SECISBP2L: variants seen among roughly 807,000 people sequenced by gnomAD.
SECISBP2L encodes the protein selenocysteine insertion sequence-binding protein 2-like.
In SECISBP2L, 43 loss-of-function variants were observed where a neutral mutation model predicts 114.7. The ratio of observed to expected loss-of-function variants is 0.38; its 90% CI spans 0.29 to 0.48. The LOEUF (loss-of-function observed/expected upper bound fraction) is 0.48, where lower values mean the gene tolerates loss of function less well. SECISBP2L is among the 20% of genes least tolerant of loss of function. The pLI is 0.98. For synonymous variants in SECISBP2L, 451 were observed against 439.7 expected (o/e 1.03, Z -0.32); for missense variants, 1,136 against 1,301.1 (o/e 0.87, Z 1.95).
In SECISBP2L at chr15:49,001,112, C is replaced by A. The variant is rs1332707639; in HGVS notation, c.2028-15G>T. Reference sequence around the variant, plus strand: ...GATTACAATACCTGTAAAAAAAAACCAAAATGGGTAACTCCATCCTAATTT... The same window carrying A: ...GATTACAATACCTGTAAAAAAAAACAAAAATGGGTAACTCCATCCTAATTT... On this transcript the variant is annotated splice_polypyrimidine_tract_variant and intron_variant, in intron 14 of 17. Transcript: ENST00000559471. 11 of 1,550,892 alleles carry A rather than the reference C, an allele frequency of 7.1e-6. No homozygotes were observed. The South Asian group carries it at 1.3e-4, about 18-fold the overall frequency.
At chr15:49,021,620 G>C (rs1902641030) in intron 7 of SECISBP2L, among the ~76,000 whole-genome samples, 1 of 152,184 alleles carries the variant, frequency 6.6e-6, no homozygotes, top group Admixed American at 6.5e-5. Context: ...CAAAGACCTG[G>C]AACCACCTGA....
intron 3 of SECISBP2L, among the ~76,000 whole-genome samples, chr15:49,034,146 C>CA (rs1902955165): frequency 6.6e-6 from 1 of 151,980 alleles, no homozygotes; most frequent in African/African-American, 2.4e-5. Flanking sequence ...GCTTGTATTT[C>CA]AATTTTTAGA....
intron 2 of SECISBP2L, 74 bp downstream of exon 2, chr15:49,037,517 G>A (rs1903035977): frequency 2.2e-6 from 3 of 1,355,916 alleles, no homozygotes; most frequent in Non-Finnish European, 3.0e-6. Flanking sequence ...AGTTGCAAAG[G>A]AAAAATATTA....
At chr15:48,993,506 C>T (rs553539532) in intron 17 of SECISBP2L, among the ~76,000 whole-genome samples, 9 of 152,244 alleles carry the variant, frequency 5.9e-5, no homozygotes, top group Non-Finnish European at 1.3e-4. Context: ...CAAGGACCCA[C>T]AACCCAAGAG....
intron 3 of SECISBP2L, among the ~76,000 whole-genome samples, chr15:49,033,697 A>G (rs552211118): frequency 6.6e-6 from 1 of 152,164 alleles, no homozygotes; most frequent in South Asian, 2.1e-4. Flanking sequence ...AAACAAAAAA[A>G]CAAAGGCATC....
At chr15:49,014,044 CTCTCATTATCACTTTTCAAATCATT>C (rs879292638) in intron 11 of SECISBP2L, among the ~76,000 whole-genome samples, 6 of 152,124 alleles carry the variant, frequency 3.9e-5, no homozygotes, top group Non-Finnish European at 8.8e-5. Flanking sequence ...AACAGTTTTT[CTCTCATTATCACTTTTCAAATCATT>C]ACAATTTGAC....
intron 15 of SECISBP2L, 113 bp downstream of exon 15, chr15:49,000,764 A>G: frequency 2.5e-6 from 2 of 796,882 alleles, no homozygotes; most frequent in Non-Finnish European, 3.9e-6. Context: ...CTCATGCTCC[A>G]ATATTGTTTT....
intron 7 of SECISBP2L, 58 bp from the exon 8 acceptor site, chr15:49,019,610 C>A: frequency 1.5e-6 from 2 of 1,318,838 alleles, no homozygotes; most frequent in South Asian, 4.2e-5. Flanking sequence ...ATGTTTCACT[C>A]AAATATATAA....
chr15:49,012,512 A>G, intron 12 of SECISBP2L, 136 bp downstream of exon 12: 2 of 860,754 alleles, frequency 2.3e-6, no homozygotes, highest in Non-Finnish European at 3.6e-6. Context: ...AAATTAACAC[A>G]TTATCGTCAA....
In SECISBP2L at chr15:49,005,285, G is replaced by A. The variant is rs562700443; in HGVS notation, c.2027+3931C>T. ...GTGGAGGTTGCAATAAGCCGAGATC[G>A]CGCCACTGCACTCCAGCCTGGGTGA... On this transcript the variant is annotated intron_variant, in intron 14 of 17. Transcript: ENST00000559471. Among the ~76,000 whole-genome samples the A allele has an allele frequency of 8.5e-5, 13 of 152,082 alleles. No individual in the cohort carries two copies. In the South Asian group the frequency reaches 2.1e-3, roughly 24 times the overall value.
chr15:49,017,566 T>C lies in SECISBP2L; in HGVS notation c.1233A>G (p.Gln411=). The C allele has an allele frequency of 6.2e-7, 1 of 1,604,344 alleles. No individual in the cohort carries two copies. The highest frequency in any genetic ancestry group is 8.5e-7 in the Non-Finnish European group (1 of 1,175,134). ...TACTTACTACTTTAGAAGAAAGTTT[T>C]TGTTGAATATTCTCATCCTTAGCAT... ...NGNAKDENIQ[Q]KLSSKVLDDL... is the part of the protein sequence containing the mutation. Residue 411 remains glutamine, a synonymous_variant, in exon 9 of 18, where the codon CAA becomes CAG. Transcript: ENST00000559471.
intron 11 of SECISBP2L, 41 bp downstream of exon 11, chr15:49,016,519 A>G: frequency 6.4e-7 from 1 of 1,567,384 alleles, no homozygotes; most frequent in Non-Finnish European, 8.6e-7. Flanking sequence ...AACATATATT[A>G]GCAGAGACAA....
Position 49,046,365 on chromosome 15 carries a change from T to A in SECISBP2L, c.-66A>T. On this transcript the variant is annotated 5_prime_UTR_variant, in exon 1 of 18. The change abolishes an upstream ATG in the 5' untranslated region. Transcript: ENST00000559471. ...ACAGCGCCTCGGGCCGCTTTCTCCA[T>A]GGCCCCCCGCTCGGGTCCAGACTGG... 1 of 1,409,294 alleles carries A rather than the reference T, an allele frequency of 7.1e-7. No homozygotes were observed. The highest frequency in any genetic ancestry group is 9.3e-7 in the Non-Finnish European group (1 of 1,072,758). 87.3% of individuals were successfully genotyped at this position (1,409,294 alleles called of 1,614,324 possible).
intron 14 of SECISBP2L, among the ~76,000 whole-genome samples, chr15:49,006,680 G>A (rs1447893168): frequency 6.6e-6 from 1 of 151,964 alleles, no homozygotes; most frequent in African/African-American, 2.4e-5. Flanking sequence ...TAGCTTCCCT[G>A]CATTGAATTA....
In SECISBP2L at chr15:49,035,646, T is replaced by C. The variant is rs781283252; in HGVS notation, c.216A>G (p.Leu72=). 5.0e-6 allele frequency: 8 copies of C among 1,603,004 alleles called. No homozygotes were observed. In the South Asian group the frequency reaches 7.8e-5, roughly 16 times the overall value. ...GTTGCCATCGTATATCATTGTTATA[T>C]AAAGGAAACTGTCTGCAAAACCAAA... ...QENQSNRQFP[L]YNNDIRWQQP... Residue 72 remains leucine, a synonymous_variant, in exon 3 of 18, where the codon TTA becomes TTG. Transcript: ENST00000559471.
chr15:49,010,507 GTTTT>G (rs757886096), intron 13 of SECISBP2L, among the ~76,000 whole-genome samples: 2 of 151,122 alleles, frequency 1.3e-5, no homozygotes, highest in African/African-American at 4.9e-5. Flanking sequence ...TTTTTTTTTG[GTTTT>G]TTTGTTTGTT....
rs538298361 is a variant in SECISBP2L at position 49,000,115 on chromosome 15, T to C, written c.2249-128A>G. On this transcript the variant is annotated intron_variant, in intron 15 of 17. Transcript: ENST00000559471. ...GAACACTTGTAGCACTTAACGCTGTTACACATTATCCTATTTAATTTTATA... is the reference window on the plus strand; with the variant it reads ...GAACACTTGTAGCACTTAACGCTGTCACACATTATCCTATTTAATTTTATA... The C allele has an allele frequency of 5.8e-5, 49 of 846,024 alleles. 1 individual carries two copies. In the South Asian group the frequency reaches 6.2e-4, roughly 11 times the overall value. The allele number at this position is 846,024 out of a possible 1,614,324, so 52.4% of individuals were successfully genotyped here.
At chr15:49,035,916 T>A (rs1902996755) in intron 2 of SECISBP2L, among the ~76,000 whole-genome samples, 2 of 152,202 alleles carry the variant, frequency 1.3e-5, no homozygotes, top group South Asian at 2.1e-4. Flanking sequence ...ACCAGCATTG[T>A]CTGTAACTCT....
intron 1 of SECISBP2L, among the ~76,000 whole-genome samples, chr15:49,043,155 C>G (rs1903176271): frequency 6.6e-6 from 1 of 152,056 alleles, no homozygotes; most frequent in South Asian, 2.1e-4. Flanking sequence ...TTACTTATAT[C>G]CTTACGTAAG....
Sources: gnomAD v4.1 joint callset for allele counts (sites outside exome capture counted in the v4.1 genomes callset) on GRCh38, gnomAD v4.1.1 for gene constraint, MANE v1.5 for transcripts, NCBI Gene and HGNC (gene_info 2026-07-23, HGNC 2026-07-21) for gene names.